DNAH12: variants seen among roughly 807,000 people sequenced by gnomAD.
The protein encoded by DNAH12 is axonemal beta dynein heavy chain 12.
In DNAH12, 285 loss-of-function variants were observed where a neutral mutation model predicts 371.5. The observed-to-expected ratio is 0.77, with a 90% CI of 0.70 to 0.85. DNAH12 has a LOEUF of 0.85. Among genes scored for constraint, DNAH12 ranks in the 40% least tolerant of loss-of-function variants. The probability of loss-of-function intolerance (pLI) is 0.00; values close to 1 mark genes in which losing one functional copy is unlikely to be tolerated. For synonymous variants in DNAH12, 1,200 were observed against 1,213.0 expected (o/e 0.99, Z 0.22); for missense variants, 3,611 against 3,689.4 (o/e 0.98, Z 0.55).
chr3:57,503,362 T>C (rs1213283456), intron 9 of DNAH12, among the ~76,000 whole-genome samples: 1 of 152,018 alleles, frequency 6.6e-6, no homozygotes, highest in Non-Finnish European at 1.5e-5. Context: ...AAATAAATAT[T>C]TGTCAAATAT....
At chr3:57,548,167 G>C (rs2069593689), upstream of DNAH12, among the ~76,000 whole-genome samples, 2 of 152,098 alleles carry the variant, frequency 1.3e-5, no homozygotes, top group African/African-American at 4.8e-5. Flanking sequence ...CATACAAAAA[G>C]ACACATCAGA....
At chr3:57,381,317 T>C (rs1231004311) in intron 50 of DNAH12, among the ~76,000 whole-genome samples, 1 of 150,078 alleles carries the variant, frequency 6.7e-6, no homozygotes, top group African/African-American at 2.4e-5. Context: ...ATTATCTCAA[T>C]GAAGGACAGA....
Position 57,507,784 on chromosome 3 carries a change from A to C in DNAH12, c.756T>G (p.Thr252=). ...ESLKTDLSIQ[T]RNAEEKIMNT... is the part of the protein sequence containing the mutation. Reference sequence around the variant, plus strand: ...TCATTATCTTCTCTTCTGCGTTTCTAGTTTGTATTGATAGATCAGTTTTCA... The same window carrying C: ...TCATTATCTTCTCTTCTGCGTTTCTCGTTTGTATTGATAGATCAGTTTTCA... Residue 252 remains threonine, a synonymous_variant, in exon 8 of 74, where the codon ACT becomes ACG. Transcript: ENST00000495027. 6.2e-7 allele frequency: 1 copy of C among 1,606,022 alleles called. No homozygotes were observed. The highest frequency in any genetic ancestry group is 1.3e-5 in the African/African-American group (1 of 74,566).
chr3:57,359,559 C>T (rs1446941190), intron 58 of DNAH12, among the ~76,000 whole-genome samples: 2 of 72,106 alleles, frequency 2.8e-5, no homozygotes, highest in Non-Finnish European at 5.6e-5. Context: ...AACTCCATCT[C>T]AAAAAAAAAA....
At chr3:57,382,606 G>A (rs925697839) in intron 49 of DNAH12, among the ~76,000 whole-genome samples, 2 of 151,946 alleles carry the variant, frequency 1.3e-5, no homozygotes, top group African/African-American at 4.8e-5. Flanking sequence ...CAAATGTTGG[G>A]AGGGGTCAGT....
chr3:57,293,826 G>A lies in DNAH12; in HGVS notation c.11838C>T (p.His3946=). Residue 3946 remains histidine, a synonymous_variant, in exon 74 of 74, where the codon CAC becomes CAT. Transcript: ENST00000495027. The part of the protein sequence containing the change: ...MLLKTDQPTR[H]WIKRGVALLC... Reference sequence around the variant, plus strand: ...GCAAAGCAACCCCGCGCTTGATCCAGTGCCGAGTAGGTTGGTCTGTTTTTA... The same window carrying A: ...GCAAAGCAACCCCGCGCTTGATCCAATGCCGAGTAGGTTGGTCTGTTTTTA... 1.3e-6 allele frequency: 2 copies of A among 1,550,404 alleles called. No homozygotes were observed. The highest frequency in any genetic ancestry group is 1.7e-6 in the Non-Finnish European group (2 of 1,146,540).
chr3:57,363,131 A>G (rs1049294842), intron 58 of DNAH12, among the ~76,000 whole-genome samples: 1 of 152,176 alleles, frequency 6.6e-6, no homozygotes, highest in African/African-American at 2.4e-5. Flanking sequence ...CCATGCATCT[A>G]TAACCATCTG....
At chr3:57,378,558 T>C (rs935066341) in intron 52 of DNAH12, among the ~76,000 whole-genome samples, 6 of 152,214 alleles carry the variant, frequency 3.9e-5, no homozygotes, top group Non-Finnish European at 8.8e-5. Context: ...TACACCTTTT[T>C]ATTTATATTT....
Position 57,458,298 on chromosome 3 carries a change from T to C in DNAH12, c.2932-78A>G, listed in dbSNP as rs533731465. 2.2e-5 allele frequency: 30 copies of C among 1,372,290 alleles called. No individual in the cohort carries two copies. In the South Asian group the frequency reaches 4.9e-4, roughly 23 times the overall value. 85.0% of individuals were successfully genotyped at this position (1,372,290 alleles called of 1,614,324 possible). On this transcript the variant is annotated intron_variant, in intron 20 of 73. Coordinates refer to ENST00000495027, the MANE Select transcript of DNAH12 (RefSeq NM_001366028.2). ...GACTTAAATATCAATCTATACTATA[T>C]GTTAAAATCTTTTAATGTTAAAAGG...
At chr3:57,555,274 C>G in the DNAH12 span, among the ~76,000 whole-genome samples, 14 of 151,940 alleles carry the variant, frequency 9.2e-5, no homozygotes, top group Non-Finnish European at 1.6e-4. Context: ...AACAGATAAA[C>G]AACTATTTCT....
At chr3:57,449,578 C>T (rs2065678092) in intron 25 of DNAH12, among the ~76,000 whole-genome samples, 1 of 152,248 alleles carries the variant, frequency 6.6e-6, no homozygotes, top group Admixed American at 6.5e-5. Flanking sequence ...CCTCCACAGC[C>T]ACTAGCCCAG....
chr3:57,545,009 A>G (rs1175363848), upstream of DNAH12, among the ~76,000 whole-genome samples: 1 of 148,942 alleles, frequency 6.7e-6, no homozygotes, highest in East Asian at 1.9e-4. Flanking sequence ...TTTTTTTTTA[A>G]TGAGAGTACA....
chr3:57,510,649 AAAAAG>A (rs1417023711), intron 5 of DNAH12, 136 bp downstream of exon 5: 9 of 782,588 alleles, frequency 1.2e-5, no homozygotes, highest in Non-Finnish European at 1.8e-5. Flanking sequence ...GAAAAAAAAT[AAAAAG>A]AAAAGAAGAA....
Position 57,405,688 on chromosome 3 carries a change from T to C in DNAH12, c.6541A>G (p.Ser2181Gly), listed in dbSNP as rs2153353211. The C allele has an allele frequency of 6.4e-7, 1 of 1,551,650 alleles. No individual in the cohort carries two copies. The highest frequency in any genetic ancestry group is 1.2e-5 in the South Asian group (1 of 84,052). ...TGTTTCCTCAAATGTGAAAAGATAC[T>C]GTGAAATGATTCTTTAAAATGGTCC... is the stretch of plus-strand genomic sequence containing the variant. ...IKDHFKESFH[S>G]IFSHLRKQNA... Residue 2181 changes from serine (S) to glycine (G), a missense_variant, in exon 41 of 74, where the codon AGT becomes GGT. Coordinates refer to ENST00000495027, the MANE Select transcript of DNAH12 (RefSeq NM_001366028.2).
At chr3:57,498,401 C>T (rs1318321281) in intron 11 of DNAH12, 2 of 686,746 alleles carry the variant, frequency 2.9e-6, no homozygotes, top group Middle Eastern at 2.3e-4. Flanking sequence ...ACTGCAGACT[C>T]GAACTCCTAG....
chr3:57,392,806 T>C (rs1022400220), intron 44 of DNAH12, among the ~76,000 whole-genome samples: 25 of 152,276 alleles, frequency 1.6e-4, no homozygotes, highest in African/African-American at 4.3e-4. Context: ...GAAGAAAAGA[T>C]AGATAATAGC....
intron 60 of DNAH12, among the ~76,000 whole-genome samples, chr3:57,343,469 C>T (rs2062454690): frequency 1.3e-5 from 2 of 152,234 alleles, no homozygotes; most frequent in Non-Finnish European, 2.9e-5. Flanking sequence ...AAGTCATCGG[C>T]ATTCTCTAGT....
At chr3:57,424,567 G>C (rs1459066995) in intron 35 of DNAH12, among the ~76,000 whole-genome samples, 1 of 151,810 alleles carries the variant, frequency 6.6e-6, no homozygotes, top group Non-Finnish European at 1.5e-5. Flanking sequence ...CACGAGGTCA[G>C]GAGTTCAAGA....
chr3:57,425,484 G>A (rs541867746), intron 34 of DNAH12, among the ~76,000 whole-genome samples: 6 of 152,038 alleles, frequency 3.9e-5, no homozygotes, highest in African/African-American at 1.4e-4. Context: ...GCTCAGTGCA[G>A]CCTCAACCTT....
Sources: gnomAD v4.1 joint callset for allele counts (sites outside exome capture counted in the v4.1 genomes callset) on GRCh38, gnomAD v4.1.1 for gene constraint, MANE v1.5 for transcripts, NCBI Gene and HGNC (gene_info 2026-07-23, HGNC 2026-07-21) for gene names.